Variants in AGBL4 observed in about 807,000 individuals in gnomAD.
The protein encoded by AGBL4 is AGBL carboxypeptidase 4.
Under a neutral mutation model 66.4 loss-of-function variants are expected in AGBL4, and 58 were observed. The ratio of observed to expected loss-of-function variants is 0.87; its 90% CI spans 0.71 to 1.09. The LOEUF is 1.09. Among genes scored for constraint, AGBL4 ranks in the 50% least tolerant of loss-of-function variants. The pLI is 0.00. For missense variants in AGBL4, 579 were observed against 631.0 expected, an observed-to-expected ratio of 0.92 and a Z score of 0.88; for synonymous variants, 234 against 222.9, an observed-to-expected ratio of 1.05 and a Z score of -0.44.
chr1:49,234,217 C>T (rs992696213), intron 4 of AGBL4, among the ~76,000 whole-genome samples: 6 of 151,958 alleles, frequency 3.9e-5, no homozygotes, highest in Admixed American at 1.3e-4. Context: ...CACTGGGACA[C>T]GAAAAATAAA....
At chr1:49,292,408 ATGC>A (rs1644557529) in intron 3 of AGBL4, among the ~76,000 whole-genome samples, 1 of 152,190 alleles carries the variant, frequency 6.6e-6, no homozygotes, top group Non-Finnish European at 1.5e-5. Context: ...GTTGATGGCC[ATGC>A]TGCCAGTCCT....
chr1:48,973,587 C>T (rs1043366274), intron 5 of AGBL4, among the ~76,000 whole-genome samples: 4 of 152,112 alleles, frequency 2.6e-5, no homozygotes, highest in Non-Finnish European at 5.9e-5. Context: ...CAATTCATCC[C>T]TTGACCACTA....
intron 6 of AGBL4, among the ~76,000 whole-genome samples, chr1:48,787,922 T>G (rs1645447778): frequency 6.6e-6 from 1 of 152,234 alleles, no homozygotes; most frequent in Non-Finnish European, 1.5e-5. Context: ...TTGGCCACAT[T>G]GCTGGGCCAT....
At chr1:49,657,551 A>T (rs1646169433) in intron 3 of AGBL4, among the ~76,000 whole-genome samples, 1 of 152,178 alleles carries the variant, frequency 6.6e-6, no homozygotes, top group Non-Finnish European at 1.5e-5. Context: ...CATTGCCAAG[A>T]CAATCCTAAA....
At chr1:49,013,614 T>C (rs1408474495) in intron 5 of AGBL4, among the ~76,000 whole-genome samples, 1 of 152,192 alleles carries the variant, frequency 6.6e-6, no homozygotes, top group Non-Finnish European at 1.5e-5. Flanking sequence ...CATTATGCTC[T>C]GCCTATCCCC....
At chr1:48,631,594 A>T (rs1645594901) in intron 9 of AGBL4, among the ~76,000 whole-genome samples, 1 of 152,048 alleles carries the variant, frequency 6.6e-6, no homozygotes, top group Non-Finnish European at 1.5e-5. Context: ...GGGTTTTGCC[A>T]TGTTGGCCAG....
chr1:48,537,458 C>T (rs74075893), intron 12 of AGBL4, among the ~76,000 whole-genome samples: 2,224 of 152,196 alleles, frequency 0.015, 60 homozygotes, highest in African/African-American at 0.05. Flanking sequence ...AGATCCGTGT[C>T]GGGGTTCCAT....
chr1:49,602,861 AAAT>A (rs1212116745), intron 3 of AGBL4, among the ~76,000 whole-genome samples: 7 of 151,626 alleles, frequency 4.6e-5, no homozygotes, highest in South Asian at 2.1e-4. Flanking sequence ...ATAAATAAAT[AAAT>A]AAAAATCTAG....
chr1:49,908,496 T>C (rs1248096010), intron 1 of AGBL4, among the ~76,000 whole-genome samples: 2 of 152,244 alleles, frequency 1.3e-5, no homozygotes, highest in South Asian at 2.1e-4. Context: ...TCTGCCATGA[T>C]TGTGAGCTTC....
At chr1:49,557,188 G>T (rs1228644494) in intron 3 of AGBL4, among the ~76,000 whole-genome samples, 1 of 152,000 alleles carries the variant, frequency 6.6e-6, no homozygotes, top group Admixed American at 6.6e-5. Context: ...TGTTCCTCAA[G>T]TGCTGCCAGA....
intron 4 of AGBL4, among the ~76,000 whole-genome samples, chr1:49,064,673 T>C (rs550054892): frequency 2.6e-4 from 39 of 152,156 alleles, no homozygotes; most frequent in Admixed American, 5.9e-4. Flanking sequence ...ACCAAAATAA[T>C]TGGAGACAAT....
chr1:48,769,131 C>T (rs1023768737), intron 6 of AGBL4, among the ~76,000 whole-genome samples: 12 of 152,180 alleles, frequency 7.9e-5, no homozygotes, highest in African/African-American at 2.9e-4. Flanking sequence ...AGCTATGTGA[C>T]CGCTGGCCAG....
At chr1:49,955,624 A>T (rs560339037) in intron 1 of AGBL4, among the ~76,000 whole-genome samples, 1 of 151,904 alleles carries the variant, frequency 6.6e-6, no homozygotes, top group Non-Finnish European at 1.5e-5. Flanking sequence ...CTGAAACTCA[A>T]TTAGAAATAA....
intron 4 of AGBL4, among the ~76,000 whole-genome samples, chr1:49,057,757 T>G (rs1464772765): frequency 6.6e-6 from 1 of 152,198 alleles, no homozygotes; most frequent in Non-Finnish European, 1.5e-5. Context: ...GTTTATAGTT[T>G]ATATTTCCAA....
At chr1:49,202,917 A>G (rs1414792122) in intron 4 of AGBL4, among the ~76,000 whole-genome samples, 1 of 152,030 alleles carries the variant, frequency 6.6e-6, no homozygotes, top group Admixed American at 6.6e-5. Context: ...AAAACAAAAC[A>G]AATAATCTGA....
Position 48,908,251 on chromosome 1 carries a change from A to G in AGBL4, c.595-41021T>C, listed in dbSNP as rs72893781. Among the ~76,000 whole-genome samples, 507 of 152,244 alleles carry G rather than the reference A, an allele frequency of 3.3e-3. 2 individuals are homozygous for G. The highest frequency in any genetic ancestry group is 0.011 in the African/African-American group (437 of 41,536). On this transcript the variant is annotated intron_variant, in intron 5 of 13. Transcript: ENST00000371839. ...ATCCCAGTCACTTCACAAAGGGTCA[A>G]CTCACTCTCACAGGGTCATCCTGAT...
intron 1 of AGBL4, among the ~76,000 whole-genome samples, chr1:49,983,467 C>T (rs1299577136): frequency 6.6e-6 from 1 of 152,238 alleles, no homozygotes; most frequent in Non-Finnish European, 1.5e-5. Flanking sequence ...ACACCGCTCG[C>T]TGCTCTACTC....
chr1:49,869,250 A>G (rs939369749), intron 1 of AGBL4, among the ~76,000 whole-genome samples: 1 of 152,204 alleles, frequency 6.6e-6, no homozygotes, highest in African/African-American at 2.4e-5. Flanking sequence ...CTGGGTATAT[A>G]CCCAAAGGAA....
intron 4 of AGBL4, among the ~76,000 whole-genome samples, chr1:49,076,665 AT>A (rs1557620988): frequency 1.3e-5 from 2 of 152,218 alleles, no homozygotes; most frequent in African/African-American, 4.8e-5. Context: ...ATGATGGGAC[AT>A]TTGTCAACAC....
Sources: gnomAD v4.1 joint callset for allele counts (sites outside exome capture counted in the v4.1 genomes callset) on GRCh38, gnomAD v4.1.1 for gene constraint, MANE v1.5 for transcripts, NCBI Gene and HGNC (gene_info 2026-07-23, HGNC 2026-07-21) for gene names.